Variants in RGS18 observed in about 807,000 individuals in gnomAD.
The protein encoded by RGS18 is regulator of G protein signaling 18.
In RGS18, 22 loss-of-function variants were observed where a neutral mutation model predicts 27.6. The ratio of observed to expected loss-of-function variants is 0.80; its 90% CI spans 0.57 to 1.14. The LOEUF is 1.14. RGS18 is among the 50% of genes most tolerant of loss of function. RGS18 has a pLI of 0.00. For synonymous variants in RGS18, 89 were observed against 84.6 expected, an observed-to-expected ratio of 1.05 and a Z score of -0.29; for missense variants, 299 against 269.6, an observed-to-expected ratio of 1.11 and a Z score of -0.76.
intron 3 of RGS18, among the ~76,000 whole-genome samples, chr1:192,176,147 C>T (rs978333236): frequency 7.9e-5 from 12 of 151,790 alleles, no homozygotes; most frequent in Admixed American, 7.2e-4. Flanking sequence ...TGGTCAATTT[C>T]TCTTATCTCA....
chr1:192,180,824 G>T (rs2102160651), intron 3 of RGS18, among the ~76,000 whole-genome samples: 2 of 151,750 alleles, frequency 1.3e-5, no homozygotes, highest in Middle Eastern at 3.4e-3. Flanking sequence ...GTTTTTGGTA[G>T]ATGGACTTGG....
At chr1:192,161,914 CCTTTTCATGTT>C (rs770101931) in intron 3 of RGS18, among the ~76,000 whole-genome samples, 1 of 152,100 alleles carries the variant, frequency 6.6e-6, no homozygotes, top group Non-Finnish European at 1.5e-5. Context: ...GTCTTGGTGA[CCTTTTCATGTT>C]CTTCTGAATT....
At chr1:192,165,633 A>C (rs984688925) in intron 3 of RGS18, among the ~76,000 whole-genome samples, 2 of 152,192 alleles carry the variant, frequency 1.3e-5, no homozygotes, top group African/African-American at 4.8e-5. Flanking sequence ...GAAAATAGAA[A>C]AGAACCTATG....
At chr1:192,172,584 T>C in intron 3 of RGS18, among the ~76,000 whole-genome samples, 1 of 151,772 alleles carries the variant, frequency 6.6e-6, no homozygotes, top group East Asian at 1.9e-4. Context: ...CAGAATACAC[T>C]ACATTTCCTG....
At position 192,181,310 on chromosome 1, in the gene RGS18, C is replaced by T. The variant is rs1171196830; in HGVS notation, c.302C>T (p.Thr101Ile). The change falls in exon 4 of 5, where the codon ACC (threonine) becomes ATC (isoleucine). Residue 101 changes from threonine to isoleucine, a missense_variant. Transcript: ENST00000367460. ...TTGATAGATGGACTAGAGGCTTTTACCAGATTTCTTAAAACTGAATTCAGT... is the reference window on the plus strand; with the variant it reads ...TTGATAGATGGACTAGAGGCTTTTATCAGATTTCTTAAAACTGAATTCAGT... ...LSHRDGLEAF[T>I]RFLKTEFSEE... The T allele has an allele frequency of 3.9e-6, 6 of 1,526,912 alleles. No homozygotes were observed. In the African/African-American group the frequency reaches 8.4e-5, roughly 22 times the overall value. 94.6% of individuals were successfully genotyped at this position (1,526,912 alleles called of 1,614,324 possible).
At chr1:192,161,284 A>G (rs188789925) in intron 3 of RGS18, among the ~76,000 whole-genome samples, 26 of 152,294 alleles carry the variant, frequency 1.7e-4, no homozygotes, top group Non-Finnish European at 3.2e-4. Context: ...TGTCTGTGAG[A>G]TGGAGGGTGA....
intron 4 of RGS18, among the ~76,000 whole-genome samples, chr1:192,181,685 T>C (rs1426830975): frequency 1.3e-5 from 2 of 151,650 alleles, no homozygotes; most frequent in African/African-American, 4.8e-5. Flanking sequence ...TAAACATTTA[T>C]CATTTCTTTG....
At chr1:192,161,386 G>T (rs926921426) in intron 3 of RGS18, 1 of 152,148 alleles carries the variant, frequency 6.6e-6, no homozygotes, top group Admixed American at 6.5e-5. Context: ...ACTCTTTAGG[G>T]TCAATTTACA....
At chr1:192,180,330 G>A (rs941517733) in intron 3 of RGS18, among the ~76,000 whole-genome samples, 9 of 151,510 alleles carry the variant, frequency 5.9e-5, no homozygotes, top group African/African-American at 2.2e-4. Context: ...AGCCCTACCA[G>A]GTAGGGATCA....
intron 3 of RGS18, among the ~76,000 whole-genome samples, chr1:192,161,271 C>G (rs1656067265): frequency 6.6e-6 from 1 of 152,090 alleles, no homozygotes; most frequent in South Asian, 2.1e-4. Context: ...TAAGGTGGAG[C>G]TTTGTCTGTG....
In RGS18 at chr1:192,177,613, G is replaced by C. The variant is rs181126868; in HGVS notation, c.284-3679G>C. ...GGCACAGTAGAAGGCCATATATGAAGGACACCCAACTCGTTCTTTAGAGAT... is the reference window on the plus strand; with the variant it reads ...GGCACAGTAGAAGGCCATATATGAACGACACCCAACTCGTTCTTTAGAGAT... On this transcript the variant is annotated intron_variant, in intron 3 of 4. Transcript: ENST00000367460. 1.9e-4 allele frequency among the ~76,000 whole-genome samples: 29 copies of C among 151,770 alleles called. No homozygotes were observed. In the East Asian group the frequency reaches 5.3e-3, roughly 28 times the overall value.
chr1:192,181,355 G>T lies in RGS18; in HGVS notation c.347G>T (p.Trp116Leu). 6.3e-7 allele frequency: 1 copy of T among 1,586,728 alleles called. No individual in the cohort carries two copies. The highest frequency in any genetic ancestry group is 1.2e-5 in the South Asian group (1 of 85,730). The change falls in exon 4 of 5, where the codon TGG (tryptophan) becomes TTG (leucine). Residue 116 changes from tryptophan to leucine, a missense_variant. Transcript: ENST00000367460. ...TEFSEENIEF[W>L]IACEDFKKSK... ...TTCAGTGAAGAAAATATTGAATTTT[G>T]GATAGCCTGTGAAGATTTCAAGAAA...
chr1:192,160,609 A>T (rs916308362), intron 3 of RGS18, 170 bp downstream of exon 3: 3 of 478,214 alleles, frequency 6.3e-6, no homozygotes, highest in Non-Finnish European at 1.1e-5. Flanking sequence ...AATAATGGAA[A>T]TTTTTTTAAA....
chr1:192,159,642 T>C (rs1656035928), intron 2 of RGS18, among the ~76,000 whole-genome samples: 2 of 152,142 alleles, frequency 1.3e-5, no homozygotes, highest in Admixed American at 6.5e-5. Flanking sequence ...AATATTGTCA[T>C]AGCAGAGAGA....
chr1:192,159,027 C>T (rs543282798), intron 1 of RGS18, among the ~76,000 whole-genome samples, 193 bp from the exon 2 acceptor site: 106 of 152,108 alleles, frequency 7.0e-4, no homozygotes, highest in African/African-American at 2.4e-3. Flanking sequence ...ACTTGATTGT[C>T]GGTGAGCAAA....
intron 3 of RGS18, among the ~76,000 whole-genome samples, chr1:192,167,095 A>G (rs2102153277): frequency 6.6e-6 from 1 of 152,274 alleles, no homozygotes; most frequent in East Asian, 1.9e-4. Flanking sequence ...TACACTCTGA[A>G]TTGTGGTTCT....
At chr1:192,169,270 A>C (rs1656215619) in intron 3 of RGS18, 1 of 152,218 alleles carries the variant, frequency 6.6e-6, no homozygotes, top group African/African-American at 2.4e-5. Flanking sequence ...TGATATTTAA[A>C]AACTGATCAA....
intron 2 of RGS18, 60 bp downstream of exon 2, chr1:192,159,381 G>A: frequency 9.1e-7 from 1 of 1,095,906 alleles, no homozygotes; most frequent in Non-Finnish European, 1.4e-6. Flanking sequence ...AAAGATTTAA[G>A]AAAAATGCAG....
In RGS18 at chr1:192,159,246, G is replaced by C; in HGVS notation, c.146G>C (p.Ser49Thr). 1 of 1,613,422 alleles carries C rather than the reference G, an allele frequency of 6.2e-7. No individual in the cohort carries two copies. The highest frequency in any genetic ancestry group is 8.5e-7 in the Non-Finnish European group (1 of 1,179,470). The stretch of plus-strand genomic sequence containing the variant: ...GCTAAGGAAAAAAGAAATAGACTAA[G>C]TCTTCTTGTGCAGAAACCTGAGTTT... The part of the protein sequence containing the change: ...IRAKEKRNRL[S>T]LLVQKPEFHE... The change falls in exon 2 of 5, where the codon AGT becomes ACT. Residue 49 changes from serine to threonine, a missense_variant. Transcript: ENST00000367460.
Sources: allele counts gnomAD v4.1 joint callset (sites outside exome capture counted in the v4.1 genomes callset), GRCh38; gene constraint gnomAD v4.1.1; transcripts MANE v1.5; gene names NCBI Gene and HGNC (gene_info 2026-07-23, HGNC 2026-07-21).